Variants in CHFR observed in about 807,000 individuals in gnomAD.
CHFR encodes checkpoint with forkhead and ring finger domains.
A neutral mutation model predicts 87.6 loss-of-function variants in CHFR; 57 were observed. The observed-to-expected ratio is 0.65, with a 90% CI of 0.53 to 0.81. The LOEUF is 0.81. Ranked by LOEUF, CHFR falls within the 30% of genes least tolerant of loss-of-function variation. The probability of loss-of-function intolerance (pLI) is 0.00; values close to 1 mark genes in which losing one functional copy is unlikely to be tolerated. For missense variants in CHFR, 797 were observed against 865.8 expected (o/e 0.92, Z 1.00); for synonymous variants, 381 against 359.2 (o/e 1.06, Z -0.69).
At position 132,887,272 on chromosome 12, in the gene CHFR, G is replaced by A. The variant is rs1327949016; in HGVS notation, c.57C>T (p.Leu19=). The change falls in exon 2 of 18, where the codon CTC becomes CTT. Residue 19 remains leucine, a synonymous_variant. Coordinates refer to ENST00000450056, the MANE Select transcript of CHFR (RefSeq NM_001161346.2). ...QSPPPQPWGR[L]LRLGAEEGEP... is the part of the protein sequence containing the mutation. ...CGCCCTCCTCCGCGCCCAGACGCAG[G>A]AGCCGTCCCCAGGGCTGCGGCGGCG... is the stretch of plus-strand genomic sequence containing the variant. 1.1e-5 allele frequency: 16 copies of A among 1,499,284 alleles called. No individual in the cohort carries two copies. In the East Asian group the frequency reaches 1.7e-4, roughly 16 times the overall value. The allele number at this position is 1,499,284 out of a possible 1,614,324, so 92.9% of individuals were successfully genotyped here. A position where few individuals can be genotyped will look rare whatever the true frequency, so the allele number is the denominator to read the frequency against.
At chr12:132,861,844 G>A in intron 6 of CHFR, 1 of 542,490 alleles carries the variant, frequency 1.8e-6, no homozygotes, top group South Asian at 2.5e-5. Context: ...GGAGCTGGGG[G>A]CAAGGAGCCC....
intron 3 of CHFR, among the ~76,000 whole-genome samples, chr12:132,872,610 C>T (rs1435667221): frequency 1.3e-5 from 2 of 152,178 alleles, no homozygotes; most frequent in African/African-American, 4.8e-5. Context: ...CCTAACCAGC[C>T]ACTACACCTC....
chr12:132,872,198 G>A, intron 4 of CHFR, 87 bp downstream of exon 4: 1 of 791,488 alleles, frequency 1.3e-6, no homozygotes, highest in Non-Finnish European at 2.2e-6. Context: ...CCTATGGGAA[G>A]GGATGTAGCC....
At chr12:132,876,028 T>A (rs1481212336) in intron 3 of CHFR, among the ~76,000 whole-genome samples, 1 of 151,580 alleles carries the variant, frequency 6.6e-6, no homozygotes, top group Admixed American at 6.6e-5. Flanking sequence ...CACAAAAAAA[T>A]AGCCGGGCTT....
At chr12:132,843,937 GA>G (rs1950754470) in intron 16 of CHFR, 89 bp downstream of exon 16, 1 of 792,100 alleles carries the variant, frequency 1.3e-6, no homozygotes, top group Admixed American at 2.2e-5. Flanking sequence ...CAAAAACAGC[GA>G]AACTGTCTCA....
intron 4 of CHFR, 48 bp from the exon 5 acceptor site, chr12:132,870,831 C>A: frequency 8.3e-7 from 1 of 1,207,192 alleles, no homozygotes; most frequent in Non-Finnish European, 1.2e-6. Flanking sequence ...CCTGTGCAAA[C>A]TGAGAACTCA....
At chr12:132,863,698 CA>C (rs1448918799) in intron 6 of CHFR, among the ~76,000 whole-genome samples, 1 of 152,096 alleles carries the variant, frequency 6.6e-6, no homozygotes, top group East Asian at 1.9e-4. Flanking sequence ...TCTCCACGAG[CA>C]AGAAGCCAGA....
In CHFR at chr12:132,859,050, G is replaced by T. The variant is rs923902750; in HGVS notation, c.911+18C>A. On this transcript the variant is annotated intron_variant, in intron 8 of 17. Transcript: ENST00000450056. ...TGCAGTGCCATGTTCCGTGAGCCAAGGGTGAACACGGTCGCACCTCACGCA... is the reference window on the plus strand; with the variant it reads ...TGCAGTGCCATGTTCCGTGAGCCAATGGTGAACACGGTCGCACCTCACGCA... 4 of 1,607,530 alleles carry T rather than the reference G, an allele frequency of 2.5e-6. No individual in the cohort carries two copies. Among genetic ancestry groups the T allele is most frequent in the Admixed American group, 1.7e-5 (1 of 59,570 alleles).
intron 10 of CHFR, 42 bp from the exon 11 acceptor site, chr12:132,853,615 C>A: frequency 1.3e-6 from 2 of 1,489,930 alleles, no homozygotes; most frequent in Non-Finnish European, 1.8e-6. Context: ...AGGCCCCAAG[C>A]CTCTCAGGTA....
chr12:132,849,009 C>G, intron 12 of CHFR: 1 of 366,146 alleles, frequency 2.7e-6, no homozygotes, highest in Non-Finnish European at 5.0e-6. Flanking sequence ...TACAGGGGAA[C>G]AATCACAGCT....
In CHFR at chr12:132,844,070, C is replaced by T; in HGVS notation, c.1800G>A (p.Leu600=). 3.1e-6 allele frequency: 5 copies of T among 1,613,940 alleles called. No homozygotes were observed. The highest frequency in any genetic ancestry group is 4.2e-6 in the Non-Finnish European group (5 of 1,179,856). ...YCCGLRSFRE[L]TYQYRQNIPA... is the part of the protein sequence containing the mutation. ...GAATGTTCTGCCGATACTGATAGGT[C>T]AGCTCACGGAAGCTGCGCAGGCCAC... Residue 600 remains leucine (L), a synonymous_variant, in exon 16 of 18, where the codon CTG becomes CTA. Coordinates refer to ENST00000450056, the MANE Select transcript of CHFR (RefSeq NM_001161346.2).
At chr12:132,855,862 T>A (rs1031821255) in intron 10 of CHFR, among the ~76,000 whole-genome samples, 6 of 151,050 alleles carry the variant, frequency 4.0e-5, no homozygotes, top group Admixed American at 2.0e-4. Context: ...TGTTTTTTTT[T>A]GTCGTTCATT....
chr12:132,864,010 C>T (rs1400980310), intron 6 of CHFR, among the ~76,000 whole-genome samples: 1 of 152,054 alleles, frequency 6.6e-6, no homozygotes, highest in African/African-American at 2.4e-5. Context: ...ACAATCCACC[C>T]ACCTCGGCCT....
At chr12:132,887,426 C>G (rs569195851) in intron 1 of CHFR, 86 bp from the exon 2 acceptor site, 2 of 1,060,998 alleles carry the variant, frequency 1.9e-6, no homozygotes, top group Non-Finnish European at 2.3e-6. Flanking sequence ...GGCCCCGGCC[C>G]GGCCGCCCGC....
rs950272011 is a variant in CHFR at position 132,861,375 on chromosome 12, A to G, written c.751+92T>C. On this transcript the variant is annotated intron_variant, in intron 7 of 17. Transcript: ENST00000450056. Reference sequence around the variant, plus strand: ...GCAGGGTCCACATGCCCCTGCAGGAAGCAATGCCCCACAGCACGGAGCATG... The same window carrying G: ...GCAGGGTCCACATGCCCCTGCAGGAGGCAATGCCCCACAGCACGGAGCATG... 5.3e-6 allele frequency: 7 copies of G among 1,312,230 alleles called. No individual in the cohort carries two copies. In the African/African-American group the frequency reaches 5.8e-5, roughly 11 times the overall value. 81.3% of individuals were successfully genotyped at this position (1,312,230 alleles called of 1,614,324 possible).
Position 132,837,778 on chromosome 12 carries a change from T to C in CHFR, c.*3776A>G, listed in dbSNP as rs1950659369. 1 of 152,324 alleles carries C rather than the reference T, an allele frequency of 6.6e-6. No individual in the cohort carries two copies. The highest frequency in any genetic ancestry group is 6.5e-5 in the Admixed American group (1 of 15,290). 9.4% of individuals were successfully genotyped at this position (152,324 alleles called of 1,614,324 possible). On this transcript the variant is annotated 3_prime_UTR_variant, in exon 18 of 18. Coordinates refer to ENST00000450056, the MANE Select transcript of CHFR (RefSeq NM_001161346.2). The stretch of plus-strand genomic sequence containing the variant: ...TCAGGGAGGCAAGACCCGGCTTCTC[T>C]ACACGGCTGCAGCCGCCCTCAGAAG...
intron 6 of CHFR, chr12:132,866,837 T>C (rs1299002249): frequency 6.6e-6 from 1 of 152,264 alleles, no homozygotes; most frequent in Non-Finnish European, 1.5e-5. Flanking sequence ...ACTCTGCTCC[T>C]GGTGACCAGC....
At chr12:132,859,793 G>A (rs1951174686) in intron 7 of CHFR, among the ~76,000 whole-genome samples, 1 of 152,178 alleles carries the variant, frequency 6.6e-6, no homozygotes, top group African/African-American at 2.4e-5. Flanking sequence ...TGTAATCCCA[G>A]CACTTTGGGA....
rs1950680751 is a variant in CHFR, at chr12:132,839,922, C to T, written c.*1632G>A. 1 of 168,868 alleles carries T rather than the reference C, an allele frequency of 5.9e-6. No individual in the cohort carries two copies. Among genetic ancestry groups the T allele is most frequent in the African/African-American group, 2.5e-5 (1 of 40,294 alleles). The allele number at this position is 168,868 out of a possible 1,614,324, so 10.5% of individuals were successfully genotyped here. On this transcript the variant is annotated 3_prime_UTR_variant, in exon 18 of 18. Coordinates refer to ENST00000450056, the MANE Select transcript of CHFR (RefSeq NM_001161346.2). ...TCACCCCTGCACAAACTTGGGACCT[C>T]CCCCTTAGCCTCGCCCCTGCACTAA...
Sources: allele counts gnomAD v4.1 joint callset (sites outside exome capture counted in the v4.1 genomes callset), GRCh38; gene constraint gnomAD v4.1.1; transcripts MANE v1.5; gene names NCBI Gene and HGNC (gene_info 2026-07-23, HGNC 2026-07-21).